MASP1: variants seen among roughly 807,000 people sequenced by gnomAD.
The protein encoded by MASP1 is MBL associated serine protease 1, also known as mannan-binding lectin serine protease 1.
A neutral mutation model predicts 77.1 loss-of-function variants in MASP1; 59 were observed. That is an observed-to-expected ratio of 0.77 (90% CI 0.62 to 0.95). The LOEUF is 0.95. Among genes scored for constraint, MASP1 ranks in the 40% least tolerant of loss-of-function variants. The probability of loss-of-function intolerance (pLI) is 0.00; values close to 1 mark genes in which losing one functional copy is unlikely to be tolerated. For synonymous variants in MASP1, 362 were observed against 354.5 expected (o/e 1.02, Z -0.24); for missense variants, 885 against 912.9 (o/e 0.97, Z 0.39).
chr3:187,287,915 T>C (rs1369518260), intron 1 of MASP1, among the ~76,000 whole-genome samples: 2 of 152,194 alleles, frequency 1.3e-5, no homozygotes, highest in Non-Finnish European at 2.9e-5. Context: ...CATACATAGA[T>C]TATGTAGCTA....
intron 1 of MASP1, among the ~76,000 whole-genome samples, chr3:187,290,447 A>G (rs1055029812): frequency 6.6e-6 from 1 of 152,200 alleles, no homozygotes; most frequent in Non-Finnish European, 1.5e-5. Flanking sequence ...TGACAGATAA[A>G]TGAGATTATC....
intron 3 of MASP1, among the ~76,000 whole-genome samples, chr3:187,261,718 A>G (rs1307489714): frequency 2.0e-5 from 3 of 152,236 alleles, no homozygotes; most frequent in Non-Finnish European, 2.9e-5. Flanking sequence ...TTCTTCTCTT[A>G]CATATTTACT....
chr3:187,224,439 C>A (rs6762588), intron 13 of MASP1, among the ~76,000 whole-genome samples: 8,116 of 149,860 alleles, frequency 0.054, 437 homozygotes, highest in African/African-American at 0.13. Flanking sequence ...CTCCGCCTCC[C>A]GGGTTCACGC....
intron 2 of MASP1, among the ~76,000 whole-genome samples, chr3:187,278,280 G>C (rs1159281400): frequency 2.0e-5 from 3 of 152,206 alleles, no homozygotes; most frequent in Non-Finnish European, 2.9e-5. Context: ...GAGCACAACT[G>C]CGTTTTGCAG....
chr3:187,263,680 G>T (rs850307), intron 2 of MASP1, among the ~76,000 whole-genome samples: 51,400 of 151,980 alleles, frequency 0.34, 10,434 homozygotes, highest in African/African-American at 0.58. Flanking sequence ...GTATCTCTGT[G>T]TGTACATGTT....
chr3:187,258,255 T>C (rs1484398692), intron 4 of MASP1, among the ~76,000 whole-genome samples: 3 of 152,214 alleles, frequency 2.0e-5, no homozygotes, highest in African/African-American at 7.2e-5. Flanking sequence ...GACAAGACAT[T>C]GATTTCAGTC....
chr3:187,245,203 T>G lies in MASP1; in HGVS notation c.1091-1582A>C, dbSNP rs534469804. 3.9e-5 allele frequency among the ~76,000 whole-genome samples: 6 copies of G among 152,358 alleles called. No homozygotes were observed. The East Asian group carries it at 1.2e-3, about 29-fold the overall frequency. ...AGGATAATGAGGCAATAATATTTAT[T>G]ATTTAAATACTATGAACAGTTTTAA... is the stretch of plus-strand genomic sequence containing the variant. On this transcript the variant is annotated intron_variant, in intron 8 of 10. Coordinates refer to ENST00000296280, the MANE Select transcript of MASP1 (RefSeq NM_139125.4).
At position 187,269,072 on chromosome 3, in the gene MASP1, A is replaced by G. The variant is rs1204551258; in HGVS notation, c.238-6352T>C. 4.6e-5 allele frequency among the ~76,000 whole-genome samples: 7 copies of G among 152,242 alleles called. No individual in the cohort carries two copies. In the East Asian group the frequency reaches 1.4e-3, roughly 29 times the overall value. On this transcript the variant is annotated intron_variant, in intron 2 of 10. Transcript: ENST00000296280. ...AGAGCAAGACACTGTCTCAAAAAAAAAAAAAAAAAGATTTTAAAACCAAAA... is the reference window on the plus strand; with the variant it reads ...AGAGCAAGACACTGTCTCAAAAAAAGAAAAAAAAAGATTTTAAAACCAAAA...
At chr3:187,271,310 A>G in intron 2 of MASP1, among the ~76,000 whole-genome samples, 1 of 152,214 alleles carries the variant, frequency 6.6e-6, no homozygotes, top group East Asian at 1.9e-4. Flanking sequence ...TGGGAATATA[A>G]CCTAGGGAAA....
exon 16 of MASP1, chr3:187,218,990 C>T (rs9854618): frequency 0.041 from 6,283 of 152,242 alleles, 259 homozygotes; most frequent in African/African-American, 0.1. Context: ...AGCCCAGTTT[C>T]CCAAGAAGGG....
Position 187,262,544 on chromosome 3 carries a change from C to G in MASP1, c.414G>C (p.Val138=), listed in dbSNP as rs1176856802. 6.2e-7 allele frequency: 1 copy of G among 1,613,896 alleles called. No individual in the cohort carries two copies. The highest frequency in any genetic ancestry group is 8.5e-7 in the Non-Finnish European group (1 of 1,179,988). Residue 138 remains valine (V), a splice_region_variant and synonymous_variant, in exon 3 of 11, where the codon GTG becomes GTC. Transcript: ENST00000296280. ...GGATGAGTCACTTCTCCAACTTACC[C>G]ACAGCCATGTAGTGGGCATCAAAGC... is the stretch of plus-strand genomic sequence containing the variant. ...FTGFDAHYMA[V]DVDECKERED...
intron 3 of MASP1, among the ~76,000 whole-genome samples, chr3:187,261,305 G>T (rs1715558258): frequency 6.6e-6 from 1 of 152,184 alleles, no homozygotes; most frequent in Non-Finnish European, 1.5e-5. Context: ...GCAGACCCAG[G>T]ATTTAAATAC....
chr3:187,241,770 G>A, intron 9 of MASP1: 1 of 499,890 alleles, frequency 2.0e-6, no homozygotes, highest in East Asian at 3.7e-5. Context: ...ATCCTCCAAA[G>A]GGACCAATTA....
At chr3:187,237,163 T>A (rs1016423695) in intron 10 of MASP1, among the ~76,000 whole-genome samples, 1 of 152,228 alleles carries the variant, frequency 6.6e-6, no homozygotes, top group African/African-American at 2.4e-5. Context: ...ATTTTTGATC[T>A]GCCAAATGAG....
At chr3:187,265,021 CAG>C (rs761973132) in intron 2 of MASP1, among the ~76,000 whole-genome samples, 8 of 152,124 alleles carry the variant, frequency 5.3e-5, no homozygotes, top group Non-Finnish European at 1.2e-4. Flanking sequence ...CTTGTAAAAA[CAG>C]GGGTTTGGAC....
chr3:187,289,026 G>A (rs185772602), intron 1 of MASP1, among the ~76,000 whole-genome samples: 73 of 152,218 alleles, frequency 4.8e-4, no homozygotes, highest in African/African-American at 1.6e-3. Context: ...TTCATTCCTC[G>A]TCACACTCTC....
At position 187,235,706 on chromosome 3, in the gene MASP1, A is replaced by C; in HGVS notation, c.2165T>G (p.Val722Gly). The C allele has an allele frequency of 6.2e-7, 1 of 1,614,162 alleles. No homozygotes were observed. Among genetic ancestry groups the C allele is most frequent in the African/African-American group, 1.3e-5 (1 of 75,028 alleles). Reference sequence around the variant, plus strand: ...AGCTCACCGTTCCACCTGGGGCTCCACAACACTTTGTGGTAAGCCCATCTG... The same window carrying C: ...AGCTCACCGTTCCACCTGGGGCTCCCCAACACTTTGTGGTAAGCCCATCTG... ...WEQMGLPQSV[V>G]EPQVER is the part of the protein sequence containing the mutation. Residue 722 changes from valine (V) to glycine (G), a missense_variant, in exon 11 of 11, where the codon GTG becomes GGG. By Grantham distance (109) the Val-to-Gly change is moderately radical (BLOSUM62 -3). Coordinates refer to ENST00000296280, the MANE Select transcript of MASP1 (RefSeq NM_139125.4).
chr3:187,239,090 C>A (rs575344004), intron 10 of MASP1, among the ~76,000 whole-genome samples: 183 of 152,002 alleles, frequency 1.2e-3, no homozygotes, highest in African/African-American at 4.3e-3. Context: ...TGCCTGTAAT[C>A]CCAGCACTTT....
At chr3:187,285,053 C>T (rs971256478) in intron 2 of MASP1, among the ~76,000 whole-genome samples, 9 of 152,140 alleles carry the variant, frequency 5.9e-5, no homozygotes, top group East Asian at 1.9e-4. Flanking sequence ...TAGGTCTCCA[C>T]GTCTTTTTTA....
Sources: allele counts gnomAD v4.1 joint callset (sites outside exome capture counted in the v4.1 genomes callset), GRCh38; gene constraint gnomAD v4.1.1; transcripts MANE v1.5; gene names NCBI Gene and HGNC (gene_info 2026-07-23, HGNC 2026-07-21).